The following TEX11 variants were observed in gnomAD, a reference collection of about 807,000 sequenced individuals.
The protein encoded by TEX11 is testis-expressed protein 11.
TEX11 carries 7 observed loss-of-function variants against 84.4 expected under a neutral mutation model. The observed-to-expected ratio is 0.08, with a 90% CI of 0.05 to 0.16. The LOEUF (loss-of-function observed/expected upper bound fraction) is 0.16, where lower values mean the gene tolerates loss of function less well. Ranked by LOEUF, TEX11 falls within the 10% of genes least tolerant of loss-of-function variation. The pLI, the probability that TEX11 is intolerant of heterozygous loss-of-function variation, is 1.00. For synonymous variants in TEX11, 264 were observed against 222.8 expected (o/e 1.18, Z -1.64); for missense variants, 551 against 660.5 (o/e 0.83, Z 1.82).
rs1042005899 is a variant in TEX11, at chrX:70,611,115, G to A, written c.1752-572C>T. 2.7e-5 allele frequency among the ~76,000 whole-genome samples: 3 copies of A among 111,533 alleles called. No individual in the cohort carries two copies. The Admixed American group carries it at 2.9e-4, about 11-fold the overall frequency. ...CAGATGAAGAAAAGAGTAGACCCAG[G>A]TTTCCTGACCCCTCTGTCAAGCTTC... On this transcript the variant is annotated intron_variant, in intron 20 of 29. Transcript: ENST00000374333.
chrX:70,744,919 C>G (rs747371039), intron 9 of TEX11, among the ~76,000 whole-genome samples: 1 of 107,034 alleles, frequency 9.3e-6, no homozygotes, highest in South Asian at 4.1e-4. Context: ...TAGGGTTTCA[C>G]CATGTTGGCC....
chrX:70,744,042 T>C (rs780408765), intron 10 of TEX11, 123 bp downstream of exon 10: 2 of 253,972 alleles, frequency 7.9e-6, no homozygotes, highest in East Asian at 7.9e-5. Context: ...TACACTGAGA[T>C]GTTAAATGTT....
At chrX:70,679,072 GCGATTGCAGGCGCGCGC>G (rs2090104075) in intron 14 of TEX11, among the ~76,000 whole-genome samples, 183 bp from the exon 15 acceptor site, 1 of 112,473 alleles carries the variant, frequency 8.9e-6, no homozygotes, top group Non-Finnish European at 1.9e-5. Flanking sequence ...CCGACTGCCT[GCGATTGCAGGCGCGCGC>G]CGCCACGCCT....
chrX:70,784,263 C>T lies in TEX11; in HGVS notation c.692+22442G>A, dbSNP rs768685545. Among the ~76,000 whole-genome samples the T allele has an allele frequency of 3.4e-4, 38 of 111,203 alleles. 1 individual carries two copies. In the South Asian group the frequency reaches 0.013, roughly 39 times the overall value. On this transcript the variant is annotated intron_variant, in intron 9 of 29. Coordinates refer to ENST00000374333, the MANE Select transcript of TEX11 (RefSeq NM_031276.3). ...TCGCAATAGATGCAGAAAAGGCCTT[C>T]AACAAAATTCAACAGCTCTTCATGC...
intron 20 of TEX11, among the ~76,000 whole-genome samples, chrX:70,612,687 A>G (rs1378844735): frequency 8.9e-6 from 1 of 111,806 alleles, no homozygotes; most frequent in Non-Finnish European, 1.9e-5. Context: ...ACTGTGAGAC[A>G]ACTACAAAAG....
chrX:70,637,069 C>G (rs949099995), intron 17 of TEX11, among the ~76,000 whole-genome samples: 1 of 111,024 alleles, frequency 9.0e-6, no homozygotes, highest in Non-Finnish European at 1.9e-5. Context: ...AAAAGAAAAC[C>G]CACTAAAAAG....
In TEX11 at chrX:70,901,035, T is replaced by C. The variant is rs759169882; in HGVS notation, c.37+6718A>G. ...GCTCAGGAGACCAGCCTGGGAAACA[T>C]GGTGAAACCCTGTCTCTACCAAAAA... On this transcript the variant is annotated intron_variant, in intron 2 of 29. Coordinates refer to ENST00000374333, the MANE Select transcript of TEX11 (RefSeq NM_031276.3). Among the ~76,000 whole-genome samples, 3 of 111,524 alleles carry C rather than the reference T, an allele frequency of 2.7e-5. No homozygotes were observed. The East Asian group carries it at 8.5e-4, about 32-fold the overall frequency.
intron 9 of TEX11, among the ~76,000 whole-genome samples, chrX:70,757,216 C>A (rs111695109): frequency 0.13 from 14,775 of 111,095 alleles, 842 homozygotes; most frequent in Middle Eastern, 0.26. Flanking sequence ...ATCCAGGAGA[C>A]CTTCCCCAAC....
intron 16 of TEX11, among the ~76,000 whole-genome samples, chrX:70,662,419 C>G (rs1419494829): frequency 1.8e-5 from 2 of 111,762 alleles, no homozygotes; most frequent in African/African-American, 6.5e-5. Context: ...GGGGAGAATG[C>G]AACCAAATTG....
chrX:70,595,378 C>G (rs1305332655), intron 24 of TEX11, among the ~76,000 whole-genome samples: 1 of 111,678 alleles, frequency 9.0e-6, no homozygotes, highest in Non-Finnish European at 1.9e-5. Flanking sequence ...AGCTACCACA[C>G]CCGGCTTCTT....
At chrX:70,631,263 T>C (rs1386218489) in intron 17 of TEX11, among the ~76,000 whole-genome samples, 1 of 111,948 alleles carries the variant, frequency 8.9e-6, no homozygotes, top group Non-Finnish European at 1.9e-5. Context: ...CAAGTCTCAA[T>C]ATATTTAAAA....
In TEX11 at chrX:70,719,514, A is replaced by T. The variant is rs1438247758; in HGVS notation, c.1004+3104T>A. 2.7e-5 allele frequency among the ~76,000 whole-genome samples: 3 copies of T among 112,064 alleles called. No individual in the cohort carries two copies. The Admixed American group carries it at 2.9e-4, about 11-fold the overall frequency. The stretch of plus-strand genomic sequence containing the variant: ...ACAATGGCAACAAAAGCCAAAATTG[A>T]CAAATGGGATCCAGTTAAACTAAAG... On this transcript the variant is annotated intron_variant, in intron 13 of 29. Coordinates refer to ENST00000374333, the MANE Select transcript of TEX11 (RefSeq NM_031276.3).
chrX:70,765,656 T>G (rs1276467430), intron 9 of TEX11, among the ~76,000 whole-genome samples: 2 of 111,578 alleles, frequency 1.8e-5, no homozygotes, highest in Non-Finnish European at 3.8e-5. Flanking sequence ...AAAAGCCATA[T>G]ATAACAGACC....
At chrX:70,880,675 AC>A (rs2091677913) in intron 2 of TEX11, among the ~76,000 whole-genome samples, 1 of 111,419 alleles carries the variant, frequency 9.0e-6, no homozygotes, top group African/African-American at 3.3e-5. Context: ...AAACTGAAAA[AC>A]TTACTAATAT....
chrX:70,741,458 C>G (rs1268054157), intron 10 of TEX11, among the ~76,000 whole-genome samples: 3 of 110,394 alleles, frequency 2.7e-5, no homozygotes, highest in Non-Finnish European at 3.8e-5. Context: ...AGAATGGGGC[C>G]AAGGGAACTT....
chrX:70,764,054 G>A (rs2090925550), intron 9 of TEX11, among the ~76,000 whole-genome samples: 1 of 111,888 alleles, frequency 8.9e-6, no homozygotes, highest in South Asian at 3.7e-4. Flanking sequence ...TCAGCACATG[G>A]ATCATTCTCA....
chrX:70,779,283 T>C (rs1381688189), intron 9 of TEX11, among the ~76,000 whole-genome samples: 2 of 106,830 alleles, frequency 1.9e-5, no homozygotes, highest in Non-Finnish European at 3.9e-5. Context: ...AGAGTGGTCG[T>C]GGGTGCCTGT....
chrX:70,583,712 T>C (rs1339426245), intron 25 of TEX11, among the ~76,000 whole-genome samples: 1 of 111,983 alleles, frequency 8.9e-6, no homozygotes, highest in Non-Finnish European at 1.9e-5. Flanking sequence ...AGTCAGGATG[T>C]CCATTATTAA....
At chrX:70,834,502 T>C (rs1191124580) in intron 7 of TEX11, among the ~76,000 whole-genome samples, 1 of 111,439 alleles carries the variant, frequency 9.0e-6, no homozygotes, top group East Asian at 2.8e-4. Context: ...ACGCCTATAA[T>C]CCCAGCACCT....
Sources: gnomAD v4.1 joint callset for allele counts (sites outside exome capture counted in the v4.1 genomes callset) on GRCh38, gnomAD v4.1.1 for gene constraint, MANE v1.5 for transcripts, NCBI Gene and HGNC (gene_info 2026-07-23, HGNC 2026-07-21) for gene names.